PGM5: variants seen among roughly 807,000 people sequenced by gnomAD.
PGM5 encodes the protein phosphoglucomutase-like protein 5.
Under a neutral mutation model 59.2 loss-of-function variants are expected in PGM5, and 23 were observed. The observed-to-expected ratio is 0.39, with a 90% CI of 0.28 to 0.55. The LOEUF is 0.55. Among genes scored for constraint, PGM5 ranks in the 20% least tolerant of loss-of-function variants. The pLI is 0.66. For missense variants in PGM5, 574 were observed against 748.3 expected (o/e 0.77, Z 2.72); for synonymous variants, 214 against 286.0 (o/e 0.75, Z 2.54).
intron 6 of PGM5, chr9:68,406,240 G>A (rs1175474940): frequency 2.6e-5 from 4 of 151,900 alleles, no homozygotes; most frequent in Non-Finnish European, 5.9e-5. Flanking sequence ...GTCTATTTTT[G>A]GTTTCTTATA....
chr9:68,408,071 G>A (rs1457278665), intron 6 of PGM5, among the ~76,000 whole-genome samples: 1 of 152,220 alleles, frequency 6.6e-6, no homozygotes, highest in South Asian at 2.1e-4. Flanking sequence ...GGTACTCTAG[G>A]GAGAGACTTG....
intron 10 of PGM5, among the ~76,000 whole-genome samples, chr9:68,501,179 C>A (rs1824567813): frequency 1.3e-5 from 2 of 152,144 alleles, no homozygotes; most frequent in South Asian, 4.1e-4. Context: ...CCTCCCTTCT[C>A]CTCAGAAGCA....
intron 9 of PGM5, among the ~76,000 whole-genome samples, chr9:68,486,621 T>C (rs1310244397): frequency 2.0e-5 from 3 of 152,240 alleles, no homozygotes; most frequent in Non-Finnish European, 2.9e-5. Flanking sequence ...CTTATTCCTT[T>C]TATTACCAAG....
chr9:68,409,062 C>T (rs1454511207), intron 6 of PGM5, among the ~76,000 whole-genome samples: 1 of 152,062 alleles, frequency 6.6e-6, no homozygotes, highest in Non-Finnish European at 1.5e-5. Flanking sequence ...GATGCGGGCT[C>T]TTTTTTGGTT....
intron 7 of PGM5, among the ~76,000 whole-genome samples, chr9:68,479,194 C>T (rs1371179850): frequency 6.6e-6 from 1 of 152,136 alleles, no homozygotes; most frequent in Non-Finnish European, 1.5e-5. Context: ...TCTCTGATCC[C>T]TTCAGAAATT....
In PGM5 at chr9:68,379,599, T is replaced by C. The variant is rs555777411; in HGVS notation, c.424+1238T>C. On this transcript the variant is annotated intron_variant, in intron 2 of 10. Transcript: ENST00000396396. The stretch of plus-strand genomic sequence containing the variant: ...AAAATGGCAGGAGTAAGTCTTTTAC[T>C]ATCAATAATAACCTTGCTGGTACAT... Among the ~76,000 whole-genome samples, 4 of 152,260 alleles carry C rather than the reference T, an allele frequency of 2.6e-5. No homozygotes were observed. The South Asian group carries it at 8.3e-4, about 32-fold the overall frequency.
intron 7 of PGM5, among the ~76,000 whole-genome samples, chr9:68,467,921 A>G (rs1823959818): frequency 6.6e-6 from 1 of 152,042 alleles, no homozygotes; most frequent in African/African-American, 2.4e-5. Flanking sequence ...TTTTTTTCCA[A>G]AAACTCTATA....
intron 9 of PGM5, chr9:68,497,560 G>T (rs1205866144): frequency 1.3e-5 from 2 of 152,202 alleles, no homozygotes; most frequent in Non-Finnish European, 2.9e-5. Context: ...TCTCCCAGCA[G>T]ATATCACCAG....
intron 7 of PGM5, among the ~76,000 whole-genome samples, chr9:68,468,174 C>A (rs1554685989): frequency 6.6e-6 from 1 of 151,224 alleles, no homozygotes; most frequent in African/African-American, 2.5e-5. Flanking sequence ...TGCTCCTCTC[C>A]TTCCTCCCAC....
intron 10 of PGM5, among the ~76,000 whole-genome samples, chr9:68,516,763 C>G (rs1047357130): frequency 6.6e-6 from 1 of 152,322 alleles, no homozygotes; most frequent in African/African-American, 2.4e-5. Context: ...GTGACGTCCA[C>G]CACACAGCTG....
intron 6 of PGM5, chr9:68,427,021 G>A (rs1823250619): frequency 6.6e-6 from 1 of 152,188 alleles, no homozygotes. Context: ...GGCTCCTTAT[G>A]GTCACCTGAC....
rs146223259 is a variant in PGM5 at position 68,417,151 on chromosome 9, A to C, written c.1043+24678A>C. Among the ~76,000 whole-genome samples, 12 of 152,356 alleles carry C rather than the reference A, an allele frequency of 7.9e-5. No individual in the cohort carries two copies. In the East Asian group the frequency reaches 2.3e-3, roughly 29 times the overall value. On this transcript the variant is annotated intron_variant, in intron 6 of 10. Transcript: ENST00000396396. ...CGGATACGGGCCTACTGGTATCTTT[A>C]GGACCATCTGCAGCACAGCTAGGTA...
chr9:68,508,305 AT>A (rs1824690484), intron 10 of PGM5, among the ~76,000 whole-genome samples: 1 of 152,216 alleles, frequency 6.6e-6, no homozygotes, highest in Non-Finnish European at 1.5e-5. Flanking sequence ...GCATGCCTTG[AT>A]CCTGGCTTTA....
At chr9:68,375,725 A>T (rs1239472987) in intron 1 of PGM5, among the ~76,000 whole-genome samples, 3 of 152,258 alleles carry the variant, frequency 2.0e-5, no homozygotes, top group African/African-American at 4.8e-5. Context: ...AATATATGTG[A>T]TCCAGAAAAT....
intron 6 of PGM5, among the ~76,000 whole-genome samples, chr9:68,444,409 A>G (rs1450686961): frequency 6.6e-6 from 1 of 152,244 alleles, no homozygotes; most frequent in Non-Finnish European, 1.5e-5. Flanking sequence ...AGCAAGACCA[A>G]TTTTAGATTA....
At chr9:68,479,341 C>T in intron 7 of PGM5, 77 bp from the exon 8 acceptor site, 10 of 1,329,204 alleles carry the variant, frequency 7.5e-6, no homozygotes, top group South Asian at 1.4e-5. Flanking sequence ...CAATCACTAA[C>T]TGGTCTTCTT....
At chr9:68,383,146 C>T (rs1822119887) in intron 2 of PGM5, among the ~76,000 whole-genome samples, 2 of 151,834 alleles carry the variant, frequency 1.3e-5, no homozygotes, top group South Asian at 4.1e-4. Context: ...GCTGTCTTCT[C>T]TCCCACTTAC....
intron 10 of PGM5, among the ~76,000 whole-genome samples, chr9:68,506,527 C>T (rs1000742772): frequency 1.3e-5 from 2 of 152,082 alleles, no homozygotes; most frequent in Non-Finnish European, 2.9e-5. Flanking sequence ...AAGTGAATAG[C>T]GTCTTAAAAA....
chr9:68,525,260 C>A (rs1824953896), intron 10 of PGM5, among the ~76,000 whole-genome samples: 1 of 152,192 alleles, frequency 6.6e-6, no homozygotes, highest in Non-Finnish European at 1.5e-5. Context: ...ATCATCTTTT[C>A]ATCAAATATA....
Sources: gnomAD v4.1 joint callset for allele counts (sites outside exome capture counted in the v4.1 genomes callset) on GRCh38, gnomAD v4.1.1 for gene constraint, MANE v1.5 for transcripts, NCBI Gene and HGNC (gene_info 2026-07-23, HGNC 2026-07-21) for gene names.